The following IKBKB-DT variants were observed in gnomAD, a reference collection of about 807,000 sequenced individuals.
IKBKB-DT encodes IKBKB divergent transcript, also known as IKBKB antisense RNA.
exon 1 of IKBKB-DT, chr8:42,271,094 C>G (rs564479561): frequency 1.2e-5 from 5 of 418,630 alleles, no homozygotes; most frequent in African/African-American, 8.6e-5. Flanking sequence ...CAGGGTGTAA[C>G]GGGGGTCATT....
chr8:42,239,345 G>A (rs911009640), intron 3 of IKBKB-DT, among the ~76,000 whole-genome samples: 6 of 151,628 alleles, frequency 4.0e-5, no homozygotes, highest in Admixed American at 1.3e-4. Flanking sequence ...CCCTTTAGCC[G>A]CCCTCTGGGC....
exon 2 of IKBKB-DT, chr8:42,266,166 C>T (rs1432633967): frequency 6.6e-6 from 1 of 152,246 alleles, no homozygotes; most frequent in Non-Finnish European, 1.5e-5. Flanking sequence ...AGTCCTTTCT[C>T]TGCAGGGCTG....
chr8:42,234,794 T>C (rs1359238578), intron 3 of IKBKB-DT, among the ~76,000 whole-genome samples: 1 of 152,126 alleles, frequency 6.6e-6, no homozygotes, highest in Non-Finnish European at 1.5e-5. Flanking sequence ...CACGCCTGAC[T>C]AATTTTTGTA....
chr8:42,266,069 C>T (rs1038243517), exon 2 of IKBKB-DT: 1 of 152,334 alleles, frequency 6.6e-6, no homozygotes, highest in Non-Finnish European at 1.5e-5. Context: ...CAGACTTCTT[C>T]ACATCCTCCG....
chr8:42,238,024 CAAAAA>C (rs35087510), intron 3 of IKBKB-DT, among the ~76,000 whole-genome samples: 3 of 35,254 alleles, frequency 8.5e-5, no homozygotes, highest in Admixed American at 4.9e-4. Context: ...GGCCCTCTCT[CAAAAA>C]AAAAAAAAAA....
Position 42,241,275 on chromosome 8 carries a change from A to G in IKBKB-DT, n.1530-7416T>C, listed in dbSNP as rs560719635. Among the ~76,000 whole-genome samples the G allele has an allele frequency of 3.3e-4, 31 of 93,112 alleles. No homozygotes were observed. The South Asian group carries it at 0.012, about 36-fold the overall frequency. 61.1% of individuals were successfully genotyped at this position (93,112 alleles called of 152,430 possible). A position where few individuals can be genotyped will look rare whatever the true frequency, so the allele number is the denominator to read the frequency against. On this transcript the variant is annotated intron_variant and non_coding_transcript_variant, in intron 3 of 3. Coordinates refer to ENST00000518213, the Ensembl canonical transcript of IKBKB-DT. ...TTTTTTTTTTTTTTTTTGCCTAGGA[A>G]GGGCCAGTTGAAAATCTGTGGCCCA... is the stretch of plus-strand genomic sequence containing the variant.
intron 3 of IKBKB-DT, among the ~76,000 whole-genome samples, chr8:42,249,626 G>T (rs1349796737): frequency 6.6e-6 from 1 of 152,106 alleles, no homozygotes; most frequent in Non-Finnish European, 1.5e-5. Flanking sequence ...GAAATGCAGA[G>T]GCTAGTGCAG....
intron 3 of IKBKB-DT, among the ~76,000 whole-genome samples, chr8:42,237,069 G>A (rs1427803260): frequency 6.9e-6 from 1 of 145,420 alleles, no homozygotes. Context: ...TCTTTTACGA[G>A]AGAAGGCTCA....
At chr8:42,269,465 G>GGGAGGA (rs1807466001) in intron 1 of IKBKB-DT, among the ~76,000 whole-genome samples, 1 of 84,430 alleles carries the variant, frequency 1.2e-5, no homozygotes, top group Non-Finnish European at 2.5e-5. Flanking sequence ...GGAGGGGAGG[G>GGGAGGA]GAGGGGAGGA....
chr8:42,271,224 A>C (rs1017816630), exon 1 of IKBKB-DT: 30 of 636,592 alleles, frequency 4.7e-5, no homozygotes, highest in Non-Finnish European at 8.6e-5. Flanking sequence ...GGACAGGCGC[A>C]GCACTCGCAG....
chr8:42,269,396 A>C (rs1387756598), intron 1 of IKBKB-DT, among the ~76,000 whole-genome samples: 1 of 127,596 alleles, frequency 7.8e-6, no homozygotes, highest in Non-Finnish European at 1.6e-5. Flanking sequence ...GAAAGGAAAG[A>C]AAAAAAAGAA....
At chr8:42,269,447 AGGGG>A (rs1807453116) in intron 1 of IKBKB-DT, among the ~76,000 whole-genome samples, 6 of 1,374 alleles carry the variant, frequency 4.4e-3, no homozygotes, top group Non-Finnish European at 0.015. Flanking sequence ...AAGCGAGGGG[AGGGG>A]AGGGGAGGGG....
chr8:42,262,426 T>TTTTTTTTATTTATTTATTTA (rs377710431), intron 3 of IKBKB-DT, among the ~76,000 whole-genome samples: 7 of 144,284 alleles, frequency 4.9e-5, no homozygotes, highest in African/African-American at 2.0e-4. Context: ...TACCACATTC[T>TTTTTTTTATTTATTTATTTA]TTTATTTATT....
intron 3 of IKBKB-DT, among the ~76,000 whole-genome samples, chr8:42,235,838 G>C (rs1272282012): frequency 2.6e-5 from 4 of 152,014 alleles, no homozygotes; most frequent in African/African-American, 4.8e-5. Context: ...AGAACCAATT[G>C]GCTCAGCCTG....
chr8:42,235,669 C>T (rs772599173), intron 3 of IKBKB-DT, among the ~76,000 whole-genome samples: 1 of 152,182 alleles, frequency 6.6e-6, no homozygotes, highest in Non-Finnish European at 1.5e-5. Context: ...GCCCACGAAA[C>T]TATCTTTGAA....
intron 3 of IKBKB-DT, among the ~76,000 whole-genome samples, chr8:42,251,339 C>T (rs1807126498): frequency 6.6e-6 from 1 of 152,206 alleles, no homozygotes; most frequent in Non-Finnish European, 1.5e-5. Context: ...CAGGACCTCA[C>T]AATCTTAAAC....
Position 42,237,418 on chromosome 8 carries a change from T to C in IKBKB-DT, n.1530-3559A>G, listed in dbSNP as rs145033257. Among the ~76,000 whole-genome samples the C allele has an allele frequency of 4.2e-4, 64 of 152,224 alleles. 3 individuals carry two copies. The East Asian group carries it at 0.012, about 29-fold the overall frequency. On this transcript the variant is annotated intron_variant and non_coding_transcript_variant, in intron 3 of 3. Coordinates refer to ENST00000518213, the Ensembl canonical transcript of IKBKB-DT. ...ATGATCTCTATTTTAACATTAATAC[T>C]TATCAGTTGTTGCATCTAAACTCTG...
chr8:42,266,943 C>G (rs1807378802), intron 1 of IKBKB-DT, among the ~76,000 whole-genome samples: 2 of 151,624 alleles, frequency 1.3e-5, no homozygotes, highest in Non-Finnish European at 2.9e-5. Flanking sequence ...GGGGGCTGCT[C>G]TGTCTAAGGA....
At chr8:42,248,351 T>G (rs1001005167) in intron 3 of IKBKB-DT, among the ~76,000 whole-genome samples, 1 of 152,122 alleles carries the variant, frequency 6.6e-6, no homozygotes, top group African/African-American at 2.4e-5. Flanking sequence ...GCTCTTGGTT[T>G]GGAGACCCCT....
Sources: allele counts gnomAD v4.1 joint callset (sites outside exome capture counted in the v4.1 genomes callset), GRCh38; gene constraint gnomAD v4.1.1; transcripts MANE v1.5; gene names NCBI Gene and HGNC (gene_info 2026-07-23, HGNC 2026-07-21).